Variants in TOX observed in about 807,000 individuals in gnomAD.
TOX encodes the protein thymocyte selection-associated high mobility group box protein TOX.
Under a neutral mutation model 53.7 loss-of-function variants are expected in TOX, and 11 were observed. The ratio of observed to expected loss-of-function variants is 0.20; its 90% CI spans 0.13 to 0.34. The LOEUF is 0.34. Ranked by LOEUF, TOX falls within the 10% of genes least tolerant of loss-of-function variation. The probability of loss-of-function intolerance (pLI) is 1.00; values close to 1 mark genes in which losing one functional copy is unlikely to be tolerated. For synonymous variants in TOX, 225 were observed against 245.3 expected, an observed-to-expected ratio of 0.92 and a Z score of 0.77; for missense variants, 570 against 664.6, an observed-to-expected ratio of 0.86 and a Z score of 1.56.
In TOX at chr8:59,117,536, T is replaced by C. The variant is rs1177450890; in HGVS notation, c.102+1350A>G. On this transcript the variant is annotated intron_variant, in intron 1 of 8. Transcript: ENST00000361421. This position sits in a 1 kb window ranked among gnomAD's most constrained non-coding sequence, Gnocchi z 4.6. ...AGGAGCTTCTCCACGGGGAAGTGTG[T>C]GTGTGAGAGCCTGCCTGTGTGTCAA... Among the ~76,000 whole-genome samples, 1 of 152,226 alleles carries C rather than the reference T, an allele frequency of 6.6e-6. No homozygotes were observed. The highest frequency in any genetic ancestry group is 1.5e-5 in the Non-Finnish European group (1 of 68,036).
intron 1 of TOX, among the ~76,000 whole-genome samples, chr8:59,015,942 G>A (rs1563419083): frequency 6.6e-6 from 1 of 152,140 alleles, no homozygotes; most frequent in South Asian, 2.1e-4. Context: ...AAATACTTGG[G>A]TACCACTAAT....
At chr8:59,114,121 C>A (rs982242724) in intron 1 of TOX, among the ~76,000 whole-genome samples, 1 of 152,196 alleles carries the variant, frequency 6.6e-6, no homozygotes, top group South Asian at 2.1e-4. Flanking sequence ...TTCCACTGTT[C>A]TTAATTCCCT....
intron 5 of TOX, among the ~76,000 whole-genome samples, chr8:58,830,644 C>A (rs1201195070): frequency 6.6e-6 from 1 of 152,084 alleles, no homozygotes; most frequent in Non-Finnish European, 1.5e-5. Context: ...TTATAAATAC[C>A]ATTTAATTCC....
chr8:58,973,125 G>A (rs185130211), intron 1 of TOX, among the ~76,000 whole-genome samples: 10 of 152,228 alleles, frequency 6.6e-5, no homozygotes, highest in African/African-American at 1.9e-4. Flanking sequence ...TTTCTTCAGT[G>A]CTAATAGGAC....
Position 58,844,344 on chromosome 8 carries a change from T to C in TOX, c.694-6033A>G, listed in dbSNP as rs539469881. 9.8e-5 allele frequency among the ~76,000 whole-genome samples: 15 copies of C among 152,320 alleles called. No individual in the cohort carries two copies. The East Asian group carries it at 2.7e-3, about 27-fold the overall frequency. ...GCAGTCACACATGACTAGAAGTCAC[T>C]GGATTAGACAGCACAGTATTTTGTA... On this transcript the variant is annotated intron_variant, in intron 4 of 8. Coordinates refer to ENST00000361421, the MANE Select transcript of TOX (RefSeq NM_014729.3).
At chr8:58,841,640 G>A (rs185751871) in intron 4 of TOX, among the ~76,000 whole-genome samples, 2 of 152,164 alleles carry the variant, frequency 1.3e-5, no homozygotes, top group Non-Finnish European at 2.9e-5. Flanking sequence ...AATTTGTTAA[G>A]AGAGTAGGTT....
intron 3 of TOX, among the ~76,000 whole-genome samples, chr8:58,926,850 C>T (rs1812169905): frequency 6.7e-6 from 1 of 149,740 alleles, no homozygotes; most frequent in Admixed American, 6.7e-5. Context: ...CTAACGCTGT[C>T]TTCCTTGCAG....
At chr8:58,823,414 G>A (rs1810313318) in intron 6 of TOX, among the ~76,000 whole-genome samples, 1 of 152,058 alleles carries the variant, frequency 6.6e-6, no homozygotes. Flanking sequence ...AGTGGAGACA[G>A]GGTTTCACCA....
Position 59,056,655 on chromosome 8 carries a change from T to C in TOX, c.102+62231A>G, listed in dbSNP as rs73254500. ...AATATTCAGTAGTCTGTGTCATTCG[T>C]TATATAAAAAAATGCACATCAATGC... On this transcript the variant is annotated intron_variant, in intron 1 of 8. Transcript: ENST00000361421. Among the ~76,000 whole-genome samples, 864 of 152,202 alleles carry C rather than the reference T, an allele frequency of 5.7e-3. 7 individuals are homozygous for C. Among genetic ancestry groups the C allele is most frequent in the African/African-American group, 0.02 (815 of 41,522 alleles).
In TOX at chr8:58,885,506, A is replaced by G. The variant is rs566931722; in HGVS notation, c.412-33701T>C. On this transcript the variant is annotated intron_variant, in intron 3 of 8. Coordinates refer to ENST00000361421, the MANE Select transcript of TOX (RefSeq NM_014729.3). Reference sequence around the variant, plus strand: ...CTTCTCACCAAATGAGCTCGTTCTGATGGTCATAATAATTTACTGGGTATC... The same window carrying G: ...CTTCTCACCAAATGAGCTCGTTCTGGTGGTCATAATAATTTACTGGGTATC... Among the ~76,000 whole-genome samples, 203 of 152,212 alleles carry G rather than the reference A, an allele frequency of 1.3e-3. 1 individual carries two copies. The highest frequency in any genetic ancestry group is 4.6e-3 in the African/African-American group (190 of 41,534).
intron 1 of TOX, among the ~76,000 whole-genome samples, chr8:59,113,854 C>T (rs187503909): frequency 3.3e-5 from 5 of 152,242 alleles, no homozygotes; most frequent in East Asian, 3.9e-4. Context: ...GAGAAACACC[C>T]GCAGGGTCTT....
At chr8:58,909,369 T>C (rs1811871756) in intron 3 of TOX, among the ~76,000 whole-genome samples, 2 of 152,076 alleles carry the variant, frequency 1.3e-5, no homozygotes, top group African/African-American at 4.8e-5. Context: ...TGAAATTAAA[T>C]TAAAAACAAA....
chr8:59,083,999 T>G (rs1206316616), intron 1 of TOX, among the ~76,000 whole-genome samples: 1 of 152,184 alleles, frequency 6.6e-6, no homozygotes, highest in Non-Finnish European at 1.5e-5. Flanking sequence ...CTATACTCAA[T>G]GTTTTAGGTA....
At chr8:58,993,321 A>G (rs926840413) in intron 1 of TOX, among the ~76,000 whole-genome samples, 1 of 152,220 alleles carries the variant, frequency 6.6e-6, no homozygotes, top group Admixed American at 6.5e-5. Flanking sequence ...GTGTATGGCC[A>G]AGGGATATTT....
chr8:59,091,977 T>C (rs959535309), intron 1 of TOX, among the ~76,000 whole-genome samples: 9 of 151,794 alleles, frequency 5.9e-5, no homozygotes, highest in Non-Finnish European at 1.0e-4. Context: ...TGGCCGGGCG[T>C]GGTGGCTCAC....
intron 1 of TOX, among the ~76,000 whole-genome samples, chr8:59,023,776 T>A (rs983171732): frequency 2.6e-5 from 4 of 152,208 alleles, no homozygotes; most frequent in African/African-American, 9.6e-5. Context: ...TTGTGCCAGA[T>A]AAACGGGTTC....
intron 1 of TOX, 50 bp from the exon 2 acceptor site, chr8:58,960,058 T>C (rs1812776108): frequency 1.9e-6 from 3 of 1,595,700 alleles, no homozygotes; most frequent in East Asian, 2.2e-5. Context: ...TGCGGGTATG[T>C]TTGGTTTTTA....
intron 1 of TOX, among the ~76,000 whole-genome samples, chr8:59,115,665 C>A (rs768324551): frequency 3.3e-5 from 5 of 152,144 alleles, no homozygotes; most frequent in Non-Finnish European, 7.3e-5. Flanking sequence ...ACTGTTAACT[C>A]CAGCCTCCAT....
intron 1 of TOX, among the ~76,000 whole-genome samples, chr8:59,092,318 CA>C (rs1318015295): frequency 9.8e-6 from 1 of 101,832 alleles, no homozygotes; most frequent in African/African-American, 6.3e-5. Context: ...ATTATATATA[CA>C]TATATATATT....
Sources: allele counts gnomAD v4.1 joint callset (sites outside exome capture counted in the v4.1 genomes callset), GRCh38; gene constraint gnomAD v4.1.1; non-coding constraint Gnocchi (gnomAD v3.1); transcripts MANE v1.5; gene names NCBI Gene and HGNC (gene_info 2026-07-23, HGNC 2026-07-21).